GRAMD1B: variants seen among roughly 807,000 people sequenced by gnomAD.
GRAMD1B encodes GRAM domain containing 1B.
GRAMD1B carries 37 observed loss-of-function variants against 99.7 expected under a neutral mutation model. That is an observed-to-expected ratio of 0.37 (90% CI 0.29 to 0.49). GRAMD1B has a LOEUF of 0.49. Ranked by LOEUF, GRAMD1B falls within the 20% of genes least tolerant of loss-of-function variation. The pLI is 0.98. For synonymous variants in GRAMD1B, 427 were observed against 387.6 expected (o/e 1.10, Z -1.19); for missense variants, 888 against 1,009.2 (o/e 0.88, Z 1.63).
chr11:123,387,427 G>T (rs1273368714), intron 1 of GRAMD1B, among the ~76,000 whole-genome samples: 1 of 152,116 alleles, frequency 6.6e-6, no homozygotes, highest in African/African-American at 2.4e-5. Flanking sequence ...TATTTAGAAG[G>T]AATGGAGGAA....
chr11:123,550,063 A>T (rs1261269306), intron 2 of GRAMD1B, among the ~76,000 whole-genome samples: 1 of 152,194 alleles, frequency 6.6e-6, no homozygotes, highest in East Asian at 1.9e-4. Context: ...CACTTCCTGG[A>T]GTCCGTACCT....
upstream of GRAMD1B, among the ~76,000 whole-genome samples, chr11:123,425,490 C>T (rs1948616040): frequency 6.6e-6 from 1 of 152,180 alleles, no homozygotes; most frequent in Non-Finnish European, 1.5e-5. Flanking sequence ...AAACATTCTT[C>T]TTTGACGCCT....
chr11:123,434,646 G>T (rs187320462), intron 1 of GRAMD1B, among the ~76,000 whole-genome samples: 1 of 152,202 alleles, frequency 6.6e-6, no homozygotes, highest in East Asian at 1.9e-4. Flanking sequence ...AAATTAGCTG[G>T]ACATGGTAGT....
chr11:123,597,866 T>G, intron 7 of GRAMD1B: 5 of 766,498 alleles, frequency 6.5e-6, no homozygotes, highest in East Asian at 2.5e-5. Context: ...TTTAAGAGGA[T>G]TTGGTTGGGA....
chr11:123,585,309 T>C (rs898352000), intron 4 of GRAMD1B, among the ~76,000 whole-genome samples: 1 of 151,998 alleles, frequency 6.6e-6, no homozygotes, highest in Non-Finnish European at 1.5e-5. Context: ...AGGGACAGGG[T>C]TGCAGATCAA....
chr11:123,435,636 T>G (rs1276798690), intron 1 of GRAMD1B: 12 of 539,694 alleles, frequency 2.2e-5, no homozygotes, highest in Non-Finnish European at 4.0e-5. Context: ...ACCTGACCTC[T>G]TACAGTGATC....
chr11:123,553,819 A>G (rs1945871496), intron 2 of GRAMD1B, among the ~76,000 whole-genome samples: 1 of 152,332 alleles, frequency 6.6e-6, no homozygotes, highest in South Asian at 2.1e-4. Flanking sequence ...AATTCAGGAA[A>G]GAGTTATTTA....
intron 4 of GRAMD1B, among the ~76,000 whole-genome samples, chr11:123,590,891 C>T (rs1250398498): frequency 6.6e-6 from 1 of 152,180 alleles, no homozygotes; most frequent in Non-Finnish European, 1.5e-5. Context: ...CACTCTGCTG[C>T]GTCTAAGTGA....
intron 9 of GRAMD1B, 81 bp downstream of exon 9, chr11:123,603,622 A>G (rs1277926387): frequency 7.4e-6 from 6 of 806,718 alleles, no homozygotes; most frequent in African/African-American, 1.7e-5. Flanking sequence ...AGGGAACAGC[A>G]CACATGCCTG....
intron 7 of GRAMD1B, chr11:123,598,295 G>T: frequency 1.5e-6 from 2 of 1,299,564 alleles, no homozygotes; most frequent in Non-Finnish European, 2.2e-6. Context: ...TTGCCAAGTG[G>T]CCAAGTGGCA....
chr11:123,620,733 A>G (rs1020276904), intron 19 of GRAMD1B, among the ~76,000 whole-genome samples: 1 of 152,208 alleles, frequency 6.6e-6, no homozygotes, highest in African/African-American at 2.4e-5. Flanking sequence ...ACACATGTCA[A>G]GGGTTAGACT....
intron 3 of GRAMD1B, among the ~76,000 whole-genome samples, chr11:123,578,029 C>T (rs1215077409): frequency 6.6e-6 from 1 of 152,190 alleles, no homozygotes; most frequent in Admixed American, 6.5e-5. Context: ...CACTAATCCA[C>T]TTGGTACTCA....
intron 2 of GRAMD1B, among the ~76,000 whole-genome samples, chr11:123,568,012 T>A (rs1214401316): frequency 6.6e-6 from 1 of 152,258 alleles, no homozygotes; most frequent in South Asian, 2.1e-4. Flanking sequence ...AGGAGATCCC[T>A]AATGAGACTA....
chr11:123,552,073 T>C (rs766198809), intron 2 of GRAMD1B, among the ~76,000 whole-genome samples: 1 of 152,182 alleles, frequency 6.6e-6, no homozygotes, highest in Non-Finnish European at 1.5e-5. Context: ...GGAGGCTTAA[T>C]GTCCTGATCA....
At position 123,386,241 on chromosome 11, in the gene GRAMD1B, C is replaced by G. The variant is rs1166240331; in HGVS notation, c.-176+27442C>G. 2.6e-5 allele frequency among the ~76,000 whole-genome samples: 4 copies of G among 152,082 alleles called. No individual in the cohort carries two copies. The East Asian group carries it at 7.7e-4, about 29-fold the overall frequency. Reference sequence around the variant, plus strand: ...TTCCATATCTGCCTTTCCTCTGCCACATTTTCTCCACTATTTCTAAAGATT... The same window carrying G: ...TTCCATATCTGCCTTTCCTCTGCCAGATTTTCTCCACTATTTCTAAAGATT... On this transcript the variant is annotated intron_variant, in intron 1 of 20. Coordinates refer to the GRAMD1B transcript ENST00000638157.
Position 123,599,236 on chromosome 11 carries a change from C to T in GRAMD1B, c.970-1232C>T, listed in dbSNP as rs1318073826. 18 of 753,936 alleles carry T rather than the reference C, an allele frequency of 2.4e-5. No homozygotes were observed. The Middle Eastern group carries it at 7.2e-4, about 30-fold the overall frequency. The allele number at this position is 753,936 out of a possible 1,614,324, so 46.7% of individuals were successfully genotyped here. ...AATTCCTTGGGTCCTGAAATGGCAC[C>T]GAGCTCCTCCTTTCGTAATCCATCC... On this transcript the variant is annotated intron_variant, in intron 7 of 19. Coordinates refer to ENST00000635736, the MANE Select transcript of GRAMD1B (RefSeq NM_001387025.1).
rs555931996 is a variant in GRAMD1B, at chr11:123,594,557, C to G, written c.770-178C>G. ...TTGCACATCACACCACCTTTATGCT[C>G]CTCATCATGAGATGGTAGGGACTTC... On this transcript the variant is annotated intron_variant, in intron 5 of 19. Coordinates refer to ENST00000635736, the MANE Select transcript of GRAMD1B (RefSeq NM_001387025.1). Among the ~76,000 whole-genome samples, 63 of 152,308 alleles carry G rather than the reference C, an allele frequency of 4.1e-4. No homozygotes were observed. In the South Asian group the frequency reaches 0.012, roughly 30 times the overall value.
rs184203552 is a variant in GRAMD1B at position 123,401,857 on chromosome 11, C to A, written c.-176+43058C>A. 1.2e-3 allele frequency among the ~76,000 whole-genome samples: 186 copies of A among 152,192 alleles called. 1 individual carries two copies. The highest frequency in any genetic ancestry group is 4.9e-4 in the Non-Finnish European group (33 of 68,004). On this transcript the variant is annotated intron_variant, in intron 1 of 20. Coordinates refer to the GRAMD1B transcript ENST00000638157. ...CTGGGAGGTTGAGGCTGCAGTGAGC[C>A]GTGGTCTCATCACTCACTCCAGCCT...
At chr11:123,554,032 C>A (rs967413219) in intron 2 of GRAMD1B, among the ~76,000 whole-genome samples, 1 of 152,202 alleles carries the variant, frequency 6.6e-6, no homozygotes, top group Non-Finnish European at 1.5e-5. Context: ...GACCCTCTTT[C>A]ACTCTCAGGG....
Sources: gnomAD v4.1 joint callset for allele counts (sites outside exome capture counted in the v4.1 genomes callset) on GRCh38, gnomAD v4.1.1 for gene constraint, MANE v1.5 for transcripts, NCBI Gene and HGNC (gene_info 2026-07-23, HGNC 2026-07-21) for gene names.